LMNB1: variants seen among roughly 807,000 people sequenced by gnomAD.
The protein encoded by LMNB1 is lamin B1, also known as lamin-B1.
Under a neutral mutation model 67.1 loss-of-function variants are expected in LMNB1, and 23 were observed. That is an observed-to-expected ratio of 0.34 (90% CI 0.25 to 0.49). The LOEUF (loss-of-function observed/expected upper bound fraction) is 0.49. Ranked by LOEUF, LMNB1 falls within the 20% of genes least tolerant of loss-of-function variation. The pLI, the probability that LMNB1 is intolerant of heterozygous loss-of-function variation, is 0.99. For missense variants in LMNB1, 634 were observed against 746.5 expected, an observed-to-expected ratio of 0.85 and a Z score of 1.76; for synonymous variants, 281 against 282.9, an observed-to-expected ratio of 0.99 and a Z score of 0.07.
At chr5:126,803,541 C>T (rs1044403983) in intron 1 of LMNB1, among the ~76,000 whole-genome samples, 10 of 150,674 alleles carry the variant, frequency 6.6e-5, no homozygotes, top group Admixed American at 6.0e-4. Context: ...AGCCACCACG[C>T]CCGGCCTGTT....
intron 1 of LMNB1, among the ~76,000 whole-genome samples, chr5:126,793,580 ATTGTGAT>A (rs1292428563): frequency 3.9e-5 from 6 of 152,170 alleles, no homozygotes; most frequent in Non-Finnish European, 1.5e-5. Context: ...GTTAATAGAA[ATTGTGAT>A]CACAAGGCCG....
At chr5:126,821,731 C>T (rs1402157294) in intron 7 of LMNB1, among the ~76,000 whole-genome samples, 1 of 152,150 alleles carries the variant, frequency 6.6e-6, no homozygotes, top group Non-Finnish European at 1.5e-5. Flanking sequence ...TGGGCCTTCC[C>T]TAGCTCTGCA....
chr5:126,816,721 T>C (rs1454572830), intron 5 of LMNB1, among the ~76,000 whole-genome samples: 1 of 152,190 alleles, frequency 6.6e-6, no homozygotes, highest in Non-Finnish European at 1.5e-5. Flanking sequence ...ATTGTCCAGG[T>C]ATCCTGTAGA....
At position 126,814,183 on chromosome 5, in the gene LMNB1, C is replaced by G. The variant is rs181078924; in HGVS notation, c.939+2285C>G. 4.6e-5 allele frequency among the ~76,000 whole-genome samples: 7 copies of G among 152,354 alleles called. No homozygotes were observed. The East Asian group carries it at 7.7e-4, about 17-fold the overall frequency. On this transcript the variant is annotated intron_variant, in intron 5 of 10. Transcript: ENST00000261366. The stretch of plus-strand genomic sequence containing the variant: ...GTGTTGGGATTATAGGCGTGAGCCA[C>G]TGCACCTGGCCTATATCAACTGTCT...
chr5:126,800,038 C>G (rs1016453328), intron 1 of LMNB1, among the ~76,000 whole-genome samples: 13 of 152,144 alleles, frequency 8.5e-5, no homozygotes, highest in Admixed American at 2.6e-4. Flanking sequence ...TCCTCTGTAA[C>G]AGAGGCTGAG....
At chr5:126,824,716 T>G (rs1751948308) in intron 8 of LMNB1, among the ~76,000 whole-genome samples, 1 of 152,214 alleles carries the variant, frequency 6.6e-6, no homozygotes, top group African/African-American at 2.4e-5. Context: ...TAATCCCAGT[T>G]AATATCTTGT....
intron 1 of LMNB1, among the ~76,000 whole-genome samples, chr5:126,804,259 G>A (rs369478433): frequency 3.7e-5 from 1 of 26,784 alleles, no homozygotes; most frequent in Non-Finnish European, 8.3e-5. Context: ...TTTTTTTTTT[G>A]TAGATTTGGG....
intron 8 of LMNB1, 140 bp downstream of exon 8, chr5:126,823,025 C>T: frequency 4.8e-6 from 3 of 625,110 alleles, no homozygotes; most frequent in Non-Finnish European, 8.4e-6. Flanking sequence ...ATTACAAGTG[C>T]TATAAAAGAT....
At chr5:126,789,096 C>T (rs1186268560) in intron 1 of LMNB1, among the ~76,000 whole-genome samples, 1 of 151,912 alleles carries the variant, frequency 6.6e-6, no homozygotes, top group Admixed American at 6.6e-5. Context: ...CCATGTTTCC[C>T]AGGCTGGTCT....
At chr5:126,809,877 T>C (rs760212900) in intron 3 of LMNB1, among the ~76,000 whole-genome samples, 1 of 152,222 alleles carries the variant, frequency 6.6e-6, no homozygotes, top group Non-Finnish European at 1.5e-5. Flanking sequence ...AAATCCTTGA[T>C]TGCAGATAGT....
In LMNB1 at chr5:126,836,138, C is replaced by T. The variant is rs980832652; in HGVS notation, c.1720-85C>T. On this transcript the variant is annotated intron_variant, in intron 10 of 10. Coordinates refer to ENST00000261366, the MANE Select transcript of LMNB1 (RefSeq NM_005573.4). Reference sequence around the variant, plus strand: ...AGGTTAGGTAATATGGTTTGGTATCCCTGTAGTTAAAAGTTTTTGTCTTAT... The same window carrying T: ...AGGTTAGGTAATATGGTTTGGTATCTCTGTAGTTAAAAGTTTTTGTCTTAT... 3.2e-6 allele frequency: 3 copies of T among 934,144 alleles called. No individual in the cohort carries two copies. In the African/African-American group the frequency reaches 4.9e-5, roughly 15 times the overall value. The allele number at this position is 934,144 out of a possible 1,614,324, so 57.9% of individuals were successfully genotyped here.
intron 1 of LMNB1, among the ~76,000 whole-genome samples, chr5:126,791,765 C>G (rs147509267): frequency 1.3e-5 from 2 of 151,128 alleles, no homozygotes; most frequent in African/African-American, 4.9e-5. Context: ...TCATGCCTAG[C>G]CTTTTTTATT....
chr5:126,792,567 A>ATT (rs752371260), intron 1 of LMNB1, among the ~76,000 whole-genome samples: 1,750 of 99,144 alleles, frequency 0.018, 69 homozygotes, highest in Middle Eastern at 0.034. Context: ...AGCACTAGGG[A>ATT]TTTTTTTTTT....
intron 1 of LMNB1, among the ~76,000 whole-genome samples, chr5:126,798,033 C>T (rs1751150686): frequency 6.6e-6 from 1 of 152,044 alleles, no homozygotes; most frequent in African/African-American, 2.4e-5. Flanking sequence ...TTACAGTCAG[C>T]CATGATCGTG....
rs1005634392 is a variant in LMNB1, at chr5:126,777,186, C to A, written c.-323C>A. ...AAGTGCTGCGAGCAGGAGACGGCGG[C>A]GGCGCGAACCCTGCTGGGCCTCCAG... On this transcript the variant is annotated 5_prime_UTR_variant, in exon 1 of 11. Coordinates refer to ENST00000261366, the MANE Select transcript of LMNB1 (RefSeq NM_005573.4). 2 of 234,560 alleles carry A rather than the reference C, an allele frequency of 8.5e-6. No individual in the cohort carries two copies. Among genetic ancestry groups the A allele is most frequent in the Non-Finnish European group, 1.6e-5 (2 of 122,346 alleles). The allele number at this position is 234,560 out of a possible 1,614,324, so 14.5% of individuals were successfully genotyped here.
At position 126,804,893 on chromosome 5, in the gene LMNB1, A is replaced by C; in HGVS notation, c.477A>C (p.Leu159Phe). The change falls in exon 2 of 11, where the codon TTA (leucine) becomes TTC (phenylalanine). Residue 159 changes from leucine to phenylalanine, a missense_variant. Physicochemically the swap from Leu to Phe is conservative, Grantham distance 22 (BLOSUM62 0). Coordinates refer to ENST00000261366, the MANE Select transcript of LMNB1 (RefSeq NM_005573.4). Reference protein sequence around the residue: ...LATALGDKKSLEGDLEDLKDQ... With the variant: ...LATALGDKKSFEGDLEDLKDQ... ...CTGCACTTGGTGACAAAAAAAGTTT[A>C]GAGGGAGATTTGGAGGATCTGAAGG... 6.2e-7 allele frequency: 1 copy of C among 1,614,204 alleles called. No individual in the cohort carries two copies. Among genetic ancestry groups the C allele is most frequent in the Non-Finnish European group, 8.5e-7 (1 of 1,180,010 alleles).
At chr5:126,812,103 T>C (rs192835736) in intron 5 of LMNB1, among the ~76,000 whole-genome samples, 2 of 152,332 alleles carry the variant, frequency 1.3e-5, no homozygotes, top group Admixed American at 1.3e-4. Context: ...CTATTGTTCC[T>C]AATTAGTAGA....
chr5:126,777,919 C>T lies in LMNB1; in HGVS notation c.359+52C>T, dbSNP rs548867767. On this transcript the variant is annotated intron_variant, in intron 1 of 10. Transcript: ENST00000261366. ...GCGCCAAGGAGGGGCGGGGGCGCAACCGCGGCGACCAGCTCACCGGGTTCT... is the reference window on the plus strand; with the variant it reads ...GCGCCAAGGAGGGGCGGGGGCGCAATCGCGGCGACCAGCTCACCGGGTTCT... 57 of 1,375,894 alleles carry T rather than the reference C, an allele frequency of 4.1e-5. No individual in the cohort carries two copies. The East Asian group carries it at 1.3e-3, about 32-fold the overall frequency. The allele number at this position is 1,375,894 out of a possible 1,614,324, so 85.2% of individuals were successfully genotyped here. A position where few individuals can be genotyped will look rare whatever the true frequency, so the allele number is the denominator to read the frequency against.
rs774962211 is a variant in LMNB1 at position 126,810,185 on chromosome 5, T to C, written c.648T>C (p.Ile216=). ...EFRKSMYEEE[I]NETRRKHETR... The stretch of plus-strand genomic sequence containing the variant: ...GCTTTTTGTTTTTTCCCCAGGAGAT[T>C]AACGAGACCAGAAGGAAGCATGAAA... Residue 216 remains isoleucine (I), a synonymous_variant, in exon 4 of 11, where the codon ATT becomes ATC. Coordinates refer to ENST00000261366, the MANE Select transcript of LMNB1 (RefSeq NM_005573.4). 1 of 1,610,276 alleles carries C rather than the reference T, an allele frequency of 6.2e-7. No homozygotes were observed. The highest frequency in any genetic ancestry group is 1.7e-5 in the Admixed American group (1 of 59,966).
Sources: allele counts gnomAD v4.1 joint callset (sites outside exome capture counted in the v4.1 genomes callset), GRCh38; gene constraint gnomAD v4.1.1; transcripts MANE v1.5; gene names NCBI Gene and HGNC (gene_info 2026-07-23, HGNC 2026-07-21).